The following DNAH1 variants were observed in gnomAD, a reference collection of about 807,000 sequenced individuals.
DNAH1 encodes the protein dynein axonemal heavy chain 1.
A neutral mutation model predicts 484.3 loss-of-function variants in DNAH1; 327 were observed. The observed-to-expected ratio is 0.68, with a 90% CI of 0.62 to 0.74. DNAH1 has a LOEUF of 0.74. Ranked by LOEUF, DNAH1 falls within the 30% of genes least tolerant of loss-of-function variation. The probability of loss-of-function intolerance (pLI) is 0.00; values close to 1 mark genes in which losing one functional copy is unlikely to be tolerated. For synonymous variants in DNAH1, 2,192 were observed against 2,191.9 expected (o/e 1.00, Z 0.00); for missense variants, 5,052 against 5,546.8 (o/e 0.91, Z 2.83).
rs1702729170 is a variant in DNAH1, at chr3:52,358,801, C to T, written c.4266+64C>T. 2.6e-5 allele frequency: 41 copies of T among 1,586,012 alleles called. No homozygotes were observed. Among genetic ancestry groups the T allele is most frequent in the Non-Finnish European group, 3.4e-5 (40 of 1,166,512 alleles). ...ACCCCTCTGCTCCCTCTCAGTGCCC[C>T]TCCTGCTCTAGCCGGCCTCGTCCTC... On this transcript the variant is annotated intron_variant, in intron 25 of 77. Coordinates refer to ENST00000420323, the MANE Select transcript of DNAH1 (RefSeq NM_015512.5). The surrounding 1 kb of genome is among the most constrained non-coding windows in gnomAD (Gnocchi z 4.2).
intron 8 of DNAH1, among the ~76,000 whole-genome samples, chr3:52,343,160 G>A (rs547956054): frequency 3.3e-5 from 5 of 152,312 alleles, no homozygotes; most frequent in Admixed American, 2.0e-4. Flanking sequence ...CAGGGGTAGC[G>A]AGGGAAGAGA....
chr3:52,385,342 G>T lies in DNAH1; in HGVS notation c.8520G>T (p.Leu2840=), dbSNP rs1360006777. 1 of 1,552,200 alleles carries T rather than the reference G, an allele frequency of 6.4e-7. No individual in the cohort carries two copies. Among genetic ancestry groups the T allele is most frequent in the South Asian group, 1.2e-5 (1 of 84,074 alleles). The change falls in exon 54 of 78, where the codon CTG becomes CTT. Residue 2840 remains leucine (L), a synonymous_variant. Coordinates refer to ENST00000420323, the MANE Select transcript of DNAH1 (RefSeq NM_015512.5). The part of the protein sequence containing the change: ...NRMKSGLDKL[L]RTSEDVAKMQ... Reference sequence around the variant, plus strand: ...GTCTCTGCCCTGACCCCTAGCTGCTGCGCACTTCTGAGGATGTAGCCAAGA... The same window carrying T: ...GTCTCTGCCCTGACCCCTAGCTGCTTCGCACTTCTGAGGATGTAGCCAAGA...
chr3:52,321,669 T>G (rs970391053), intron 1 of DNAH1: 2 of 152,354 alleles, frequency 1.3e-5, no homozygotes, highest in East Asian at 3.9e-4. Context: ...GCATGCACCC[T>G]GGCGGCATCT....
intron 6 of DNAH1, among the ~76,000 whole-genome samples, chr3:52,330,598 A>G (rs986873384): frequency 6.6e-6 from 1 of 152,186 alleles, no homozygotes; most frequent in African/African-American, 2.4e-5. Flanking sequence ...GAGGTAAGCT[A>G]GAGAAGTGGG....
rs1185250392 is a variant in DNAH1, at chr3:52,379,078, A to AG, written c.7377+301dup. On this transcript the variant is annotated intron_variant, in intron 47 of 77. Coordinates refer to ENST00000420323, the MANE Select transcript of DNAH1 (RefSeq NM_015512.5). The surrounding 1 kb of genome is among the most constrained non-coding windows in gnomAD (Gnocchi z 4.4). Reference sequence around the variant, plus strand: ...TGAGAACGCTTGAGGGACAGTGAGCAGGGTGCCCTCTGGGAACCAAAAACC... The same window carrying AG: ...TGAGAACGCTTGAGGGACAGTGAGCAGGGGTGCCCTCTGGGAACCAAAAACC... Among the ~76,000 whole-genome samples the AG allele has an allele frequency of 6.6e-6, 1 of 152,210 alleles. No individual in the cohort carries two copies. The highest frequency in any genetic ancestry group is 2.4e-5 in the African/African-American group (1 of 41,452).
At chr3:52,340,516 C>T (rs967504258) in intron 8 of DNAH1, among the ~76,000 whole-genome samples, 10 of 152,002 alleles carry the variant, frequency 6.6e-5, no homozygotes, top group Non-Finnish European at 1.2e-4. Context: ...CTTACTGCAA[C>T]CTCTGCCCTC....
intron 8 of DNAH1, 78 bp from the exon 9 acceptor site, chr3:52,344,412 A>G: frequency 6.4e-7 from 1 of 1,551,220 alleles, no homozygotes; most frequent in East Asian, 2.3e-5. Context: ...GGTCCATGCC[A>G]GAGCAGAGCT....
intron 4 of DNAH1, 115 bp downstream of exon 4, chr3:52,326,429 G>C: frequency 7.7e-7 from 1 of 1,292,828 alleles, no homozygotes; most frequent in East Asian, 2.5e-5. Context: ...CTGTGCACAA[G>C]TGTTTAGATC....
In DNAH1 at chr3:52,332,358, G is replaced by C; in HGVS notation, c.1250G>C (p.Trp417Ser). 6.2e-7 allele frequency: 1 copy of C among 1,613,924 alleles called. No homozygotes were observed. Among genetic ancestry groups the C allele is most frequent in the Non-Finnish European group, 8.5e-7 (1 of 1,179,902 alleles). ...SEQSLSKIKQWALSTPRMRKG... is the reference protein window; with the variant it reads ...SEQSLSKIKQSALSTPRMRKG... ...CAGAGCCTGAGCAAGATCAAGCAGT[G>C]GGCCCTGAGCACGCCTCGGATGCGC... The change falls in exon 8 of 78, where the codon TGG becomes TCG. Residue 417 changes from tryptophan (W) to serine (S), a missense_variant. Coordinates refer to ENST00000420323, the MANE Select transcript of DNAH1 (RefSeq NM_015512.5).
chr3:52,334,302 T>C (rs1447599751), intron 8 of DNAH1, among the ~76,000 whole-genome samples: 1 of 152,176 alleles, frequency 6.6e-6, no homozygotes, highest in African/African-American at 2.4e-5. Flanking sequence ...ATGGTACATC[T>C]ATGTAAGGCA....
At chr3:52,397,979 CAG>C in intron 74 of DNAH1, 51 bp from the exon 75 acceptor site, 2 of 1,594,452 alleles carry the variant, frequency 1.3e-6, no homozygotes, top group Non-Finnish European at 1.7e-6. Flanking sequence ...TGGAATCCCA[CAG>C]GGGATAAGGG....
Position 52,375,381 on chromosome 3 carries a change from G to GC in DNAH1, c.7128dup (p.Ile2377HisfsTer78). ...GAGATGGACGAGGTCAGCAAGAAAC[G>GC]CATCTTCTCCACCATCCTGGGCAAC... is the stretch of plus-strand genomic sequence containing the variant. On this transcript the variant is annotated frameshift_variant, in exon 45 of 78. Transcript: ENST00000420323. LOFTEE classifies it high-confidence loss of function. The GC allele has an allele frequency of 1.2e-6, 2 of 1,613,532 alleles. No individual in the cohort carries two copies. The highest frequency in any genetic ancestry group is 1.7e-6 in the Non-Finnish European group (2 of 1,179,750).
At chr3:52,371,846 C>G (rs1391230384) in intron 41 of DNAH1, 100 bp from the exon 42 acceptor site, 2 of 1,517,498 alleles carry the variant, frequency 1.3e-6, no homozygotes, top group South Asian at 2.5e-5. Flanking sequence ...AAAGCCCAGC[C>G]GTGCAGCTCC....
rs768259974 is a variant in DNAH1, at chr3:52,398,174, G to T, written c.12089+12G>T. 2 of 1,597,360 alleles carry T rather than the reference G, an allele frequency of 1.3e-6. No homozygotes were observed. Among genetic ancestry groups the T allele is most frequent in the Admixed American group, 3.4e-5 (2 of 59,046 alleles). ...CAAGAGGTCATTAGGTAATCACCCCGCCATACCCCTGCCCCGAGTCAGCGG... is the reference window on the plus strand; with the variant it reads ...CAAGAGGTCATTAGGTAATCACCCCTCCATACCCCTGCCCCGAGTCAGCGG... On this transcript the variant is annotated intron_variant, in intron 75 of 77. Coordinates refer to ENST00000420323, the MANE Select transcript of DNAH1 (RefSeq NM_015512.5).
In DNAH1 at chr3:52,368,593, C is replaced by A. The variant is rs112438345; in HGVS notation, c.5766-148C>A. ...ACACCATGTGACACCAAAAAAATCC[C>A]ACTTTTCCTATTATAATTTTTAAAA... On this transcript the variant is annotated intron_variant, in intron 36 of 77. Coordinates refer to ENST00000420323, the MANE Select transcript of DNAH1 (RefSeq NM_015512.5). This position sits in a 1 kb window ranked among gnomAD's most constrained non-coding sequence, Gnocchi z 4.4. 1,998 of 859,350 alleles carry A rather than the reference C, an allele frequency of 2.3e-3. 32 individuals are homozygous for A. The African/African-American group carries it at 0.03, about 13-fold the overall frequency. 53.2% of individuals were successfully genotyped at this position (859,350 alleles called of 1,614,324 possible).
At position 52,322,589 on chromosome 3, in the gene DNAH1, G is replaced by T. The variant is rs1701187177; in HGVS notation, c.147G>T (p.Leu49Phe). The T allele has an allele frequency of 2.5e-6, 4 of 1,613,738 alleles. No individual in the cohort carries two copies. Among genetic ancestry groups the T allele is most frequent in the Admixed American group, 1.7e-5 (1 of 59,994 alleles). Residue 49 changes from leucine to phenylalanine, a missense_variant, in exon 2 of 78, where the codon TTG (leucine) becomes TTT (phenylalanine). By Grantham distance (22) the Leu-to-Phe change is conservative. Transcript: ENST00000420323. ...GKILPGSDYG[L>F]GNPPALDPKL... is the part of the protein sequence containing the mutation. The stretch of plus-strand genomic sequence containing the variant: ...TTCTTCCAGGATCAGACTATGGGTT[G>T]GGAAATCCTCCAGCCCTTGACCCCA...
chr3:52,331,293 A>T lies in DNAH1; in HGVS notation c.1017A>T (p.Ala339=), dbSNP rs926759884. 35 of 1,607,594 alleles carry T rather than the reference A, an allele frequency of 2.2e-5. No homozygotes were observed. Among genetic ancestry groups the T allele is most frequent in the Non-Finnish European group, 2.9e-5 (34 of 1,177,330 alleles). ...AGATGGGGAGGCCCATCCTGAATGC[A>T]GGGGTCACCACTGAAGGTATGAGGT... ...RDEMGRPILN[A]GVTTEGRPPL... The change falls in exon 7 of 78, where the codon GCA becomes GCT. Residue 339 remains alanine (A), a synonymous_variant. Coordinates refer to ENST00000420323, the MANE Select transcript of DNAH1 (RefSeq NM_015512.5).
intron 60 of DNAH1, 45 bp from the exon 61 acceptor site, chr3:52,390,890 C>T: frequency 6.5e-7 from 1 of 1,549,504 alleles, no homozygotes; most frequent in Non-Finnish European, 8.7e-7. Context: ...AGTGACCCTG[C>T]TTGCAGGAAA....
chr3:52,346,695 G>T lies in DNAH1; in HGVS notation c.1880G>T (p.Ser627Ile). Reference protein sequence around the residue: ...DSLASFSQFISDTCCSVLNCT... With the variant: ...DSLASFSQFIIDTCCSVLNCT... ...CTTGCCAGCTTCTCACAGTTCATCA[G>T]CGACACCTGTTGCAGCGTGCTCAAC... The change falls in exon 11 of 78, where the codon AGC becomes ATC. Residue 627 changes from serine to isoleucine, a missense_variant. By Grantham distance (142) the Ser-to-Ile change is moderately radical. Coordinates refer to ENST00000420323, the MANE Select transcript of DNAH1 (RefSeq NM_015512.5). 6.2e-7 allele frequency: 1 copy of T among 1,614,022 alleles called. No homozygotes were observed. The highest frequency in any genetic ancestry group is 8.5e-7 in the Non-Finnish European group (1 of 1,179,894).
Sources: gnomAD v4.1 joint callset for allele counts (sites outside exome capture counted in the v4.1 genomes callset) on GRCh38, gnomAD v4.1.1 for gene constraint, Gnocchi (gnomAD v3.1) non-coding constraint, MANE v1.5 for transcripts, NCBI Gene and HGNC (gene_info 2026-07-23, HGNC 2026-07-21) for gene names.